The following DYRK1A variants were observed in gnomAD, a reference collection of about 807,000 sequenced individuals.
The protein encoded by DYRK1A is dual specificity tyrosine phosphorylation regulated kinase 1A, also known as dual specificity tyrosine-phosphorylation-regulated kinase 1A.
A neutral mutation model predicts 79.7 loss-of-function variants in DYRK1A; 9 were observed. The observed-to-expected ratio is 0.11, with a 90% CI of 0.07 to 0.20. DYRK1A has a LOEUF of 0.20. Among genes scored for constraint, DYRK1A ranks in the 10% least tolerant of loss-of-function variants. The probability of loss-of-function intolerance (pLI) is 1.00; values close to 1 mark genes in which losing one functional copy is unlikely to be tolerated. For missense variants in DYRK1A, 622 were observed against 956.0 expected, an observed-to-expected ratio of 0.65 and a Z score of 4.61; for synonymous variants, 349 against 329.7, an observed-to-expected ratio of 1.06 and a Z score of -0.63.
chr21:37,496,204 T>G lies in DYRK1A; in HGVS notation c.1158T>G (p.Phe386Leu), dbSNP rs2053264281. 1 of 1,614,110 alleles carries G rather than the reference T, an allele frequency of 6.2e-7. No individual in the cohort carries two copies. The highest frequency in any genetic ancestry group is 8.5e-7 in the Non-Finnish European group (1 of 1,179,992). The change falls in exon 9 of 12, where the codon TTT (phenylalanine) becomes TTG (leucine). Residue 386 changes from phenylalanine (F) to leucine (L), a missense_variant. Coordinates refer to ENST00000647188, the MANE Select transcript of DYRK1A (RefSeq NM_001347721.2). ...AAGCACCAAAAGCAAGAAAGTTCTT[T>G]GAGAAGTTGCCAGATGGCACTTGGA... ...LDQAPKARKFFEKLPDGTWNL... is the reference protein window; with the variant it reads ...LDQAPKARKFLEKLPDGTWNL...
chr21:37,380,146 AGTTT>A (rs1235007668), intron 1 of DYRK1A, among the ~76,000 whole-genome samples: 2 of 152,326 alleles, frequency 1.3e-5, no homozygotes, highest in East Asian at 1.9e-4. Flanking sequence ...TTGACTTAAA[AGTTT>A]GTTTGGATAA....
intron 2 of DYRK1A, among the ~76,000 whole-genome samples, chr21:37,457,782 C>T (rs2051701254): frequency 6.6e-6 from 1 of 152,008 alleles, no homozygotes; most frequent in African/African-American, 2.4e-5. Flanking sequence ...AGCAAGTCCT[C>T]TATGTGTATG....
chr21:37,453,677 G>C (rs758712142), intron 2 of DYRK1A, among the ~76,000 whole-genome samples: 1 of 152,142 alleles, frequency 6.6e-6, no homozygotes, highest in Non-Finnish European at 1.5e-5. Flanking sequence ...ACTCCAGTTT[G>C]TTTGGCATAA....
chr21:37,486,417 T>G, intron 5 of DYRK1A, 50 bp from the exon 6 acceptor site: 1 of 1,336,058 alleles, frequency 7.5e-7, no homozygotes, highest in Non-Finnish European at 9.9e-7. Flanking sequence ...TAAATTATTG[T>G]GAAATTTTTG....
At chr21:37,378,587 A>G (rs907475989) in intron 1 of DYRK1A, among the ~76,000 whole-genome samples, 1 of 152,196 alleles carries the variant, frequency 6.6e-6, no homozygotes, top group Non-Finnish European at 1.5e-5. Context: ...TACTCTGTTG[A>G]TTGAATAACT....
chr21:37,501,166 G>GTTTTTTTTTTTTGTTTTTTTTTTTT (rs2053434064), intron 9 of DYRK1A, among the ~76,000 whole-genome samples: 1 of 93,996 alleles, frequency 1.1e-5, no homozygotes, highest in African/African-American at 4.7e-5. Context: ...GTTGTTGTTG[G>GTTTTTTTTTTTTGTTTTTTTTTTTT]TTTTTTTTTT....
rs1244907117 is a variant in DYRK1A, at chr21:37,519,828, G to C, written c.*7297G>C. 2 of 143,040 alleles carry C rather than the reference G, an allele frequency of 1.4e-5. No individual in the cohort carries two copies. Among genetic ancestry groups the C allele is most frequent in the Non-Finnish European group, 3.0e-5 (2 of 66,502 alleles). The allele number at this position is 143,040 out of a possible 1,614,324, so 8.9% of individuals were successfully genotyped here. A position where few individuals can be genotyped will look rare whatever the true frequency, so the allele number is the denominator to read the frequency against. On this transcript the variant is annotated 3_prime_UTR_variant, in exon 12 of 12. Coordinates refer to ENST00000647188, the MANE Select transcript of DYRK1A (RefSeq NM_001347721.2). ...GCGATCTCGGCTCACTGCAAGCTCCGCCTCCTGGGTTCACGCCATTCGCCT... is the reference window on the plus strand; with the variant it reads ...GCGATCTCGGCTCACTGCAAGCTCCCCCTCCTGGGTTCACGCCATTCGCCT...
chr21:37,510,499 A>AT (rs1355832529), intron 11 of DYRK1A, among the ~76,000 whole-genome samples: 1 of 152,228 alleles, frequency 6.6e-6, no homozygotes, highest in Non-Finnish European at 1.5e-5. Flanking sequence ...GGCAAGTAGC[A>AT]TTAGCTGTTA....
Position 37,516,869 on chromosome 21 carries a change from T to G in DYRK1A, c.*4338T>G, listed in dbSNP as rs2053886080. The G allele has an allele frequency of 6.6e-6, 1 of 152,220 alleles. No homozygotes were observed. The highest frequency in any genetic ancestry group is 6.5e-5 in the Admixed American group (1 of 15,278). 9.4% of individuals were successfully genotyped at this position (152,220 alleles called of 1,614,324 possible). On this transcript the variant is annotated 3_prime_UTR_variant, in exon 12 of 12. Transcript: ENST00000647188. ...CTTTAAATCTTAGGAGACAAAGTGT[T>G]TCTCCAACTGGACGCTGATTTGAAA...
Position 37,512,057 on chromosome 21 carries a change from C to G in DYRK1A, c.1791C>G (p.Ser597=). 1.2e-6 allele frequency: 2 copies of G among 1,613,972 alleles called. No homozygotes were observed. Among genetic ancestry groups the G allele is most frequent in the South Asian group, 2.2e-5 (2 of 91,072 alleles). ...TGCATCATCACCATGGTAACAGTTC[C>G]CATCACCATCACCACCACCACCACC... The part of the protein sequence containing the change: ...NALHHHHGNS[S]HHHHHHHHHH... The change falls in exon 12 of 12, where the codon TCC becomes TCG. Residue 597 remains serine, a synonymous_variant. Coordinates refer to ENST00000647188, the MANE Select transcript of DYRK1A (RefSeq NM_001347721.2).
chr21:37,447,134 G>C (rs1162146677), intron 2 of DYRK1A, among the ~76,000 whole-genome samples: 1 of 152,128 alleles, frequency 6.6e-6, no homozygotes, highest in East Asian at 1.9e-4. Flanking sequence ...CTTCCTCCCT[G>C]TCAATCTATG....
intron 2 of DYRK1A, among the ~76,000 whole-genome samples, chr21:37,424,890 T>C (rs1292402510): frequency 2.6e-5 from 4 of 152,216 alleles, no homozygotes; most frequent in African/African-American, 9.6e-5. Context: ...ATTACAAGAA[T>C]GTCTCTTAAT....
intron 2 of DYRK1A, among the ~76,000 whole-genome samples, chr21:37,467,878 A>G (rs2052085211): frequency 6.6e-6 from 1 of 152,178 alleles, no homozygotes; most frequent in African/African-American, 2.4e-5. Context: ...GAATAAGGCA[A>G]GGGAAAGAAT....
At chr21:37,426,517 A>G (rs975267968) in intron 2 of DYRK1A, among the ~76,000 whole-genome samples, 7 of 152,164 alleles carry the variant, frequency 4.6e-5, no homozygotes, top group Non-Finnish European at 5.9e-5. Context: ...AAAATCAGAA[A>G]AGTGGTGATA....
intron 1 of DYRK1A, among the ~76,000 whole-genome samples, chr21:37,379,785 A>AT (rs1410798834): frequency 3.9e-5 from 6 of 152,116 alleles, no homozygotes; most frequent in African/African-American, 7.2e-5. Flanking sequence ...TATTCTCTTT[A>AT]TTTTTTCATG....
chr21:37,506,165 G>A lies in DYRK1A; in HGVS notation c.1586G>A (p.Ser529Asn), dbSNP rs1369910931. 1 of 1,614,234 alleles carries A rather than the reference G, an allele frequency of 6.2e-7. No individual in the cohort carries two copies. ...GATCCGACGCACCAGCATCGGCACAGTGGTGGGCACTTCACAGCTGCCGTG... is the reference window on the plus strand; with the variant it reads ...GATCCGACGCACCAGCATCGGCACAATGGTGGGCACTTCACAGCTGCCGTG... Reference protein sequence around the residue: ...RSDPTHQHRHSGGHFTAAVQA... With the variant: ...RSDPTHQHRHNGGHFTAAVQA... The change falls in exon 11 of 12, where the codon AGT becomes AAT. Residue 529 changes from serine to asparagine, a missense_variant. This residue lies in a region of DYRK1A where 292 missense variants were observed against 316.7 expected (regional missense o/e 0.92). Transcript: ENST00000647188.
intron 1 of DYRK1A, among the ~76,000 whole-genome samples, chr21:37,409,564 A>G (rs1343981642): frequency 1.3e-5 from 2 of 152,288 alleles, no homozygotes; most frequent in East Asian, 3.9e-4. Flanking sequence ...TGTGGCCCCT[A>G]GTTACAGTTC....
At chr21:37,435,247 A>T (rs2050890148) in intron 2 of DYRK1A, among the ~76,000 whole-genome samples, 1 of 152,218 alleles carries the variant, frequency 6.6e-6, no homozygotes, top group Non-Finnish European at 1.5e-5. Flanking sequence ...CTATTTGCAT[A>T]ACCTAGTTTG....
chr21:37,496,959 A>T (rs933793971), intron 9 of DYRK1A, among the ~76,000 whole-genome samples: 4 of 152,164 alleles, frequency 2.6e-5, no homozygotes, highest in Non-Finnish European at 5.9e-5. Flanking sequence ...TGTTTTATAG[A>T]TCTGTAAATA....
Sources: allele counts gnomAD v4.1 joint callset (sites outside exome capture counted in the v4.1 genomes callset), GRCh38; gene constraint gnomAD v4.1.1; regional missense constraint gnomAD v4.1.1; transcripts MANE v1.5; gene names NCBI Gene and HGNC (gene_info 2026-07-23, HGNC 2026-07-21).